CELSR1: variants seen among roughly 807,000 people sequenced by gnomAD.
CELSR1 encodes cadherin EGF LAG seven-pass G-type receptor 1, also known as adhesion G protein-coupled receptor C1.
In CELSR1, 110 loss-of-function variants were observed where a neutral mutation model predicts 249.1. The ratio of observed to expected loss-of-function variants is 0.44; its 90% CI spans 0.38 to 0.52. CELSR1 has a LOEUF of 0.52. Ranked by LOEUF, CELSR1 falls within the 20% of genes least tolerant of loss-of-function variation. The pLI is 0.00. For synonymous variants in CELSR1, 2,113 were observed against 1,900.0 expected, an observed-to-expected ratio of 1.11 and a Z score of -2.92; for missense variants, 4,109 against 4,296.4, an observed-to-expected ratio of 0.96 and a Z score of 1.22.
chr22:46,431,677 C>T (rs371478877), intron 5 of CELSR1, among the ~76,000 whole-genome samples: 8 of 152,194 alleles, frequency 5.3e-5, no homozygotes, highest in African/African-American at 1.9e-4. Flanking sequence ...GGCAGCAGGA[C>T]GCAACGGCCA....
At position 46,430,431 on chromosome 22, in the gene CELSR1, G is replaced by A. The variant is rs1444169128; in HGVS notation, c.4611+2962C>T. Among the ~76,000 whole-genome samples the A allele has an allele frequency of 2.0e-5, 3 of 152,102 alleles. No individual in the cohort carries two copies. Among genetic ancestry groups the A allele is most frequent in the Non-Finnish European group, 4.4e-5 (3 of 68,002 alleles). On this transcript the variant is annotated intron_variant, in intron 5 of 34. Coordinates refer to ENST00000674500, the MANE Select transcript of CELSR1 (RefSeq NM_001378328.1). The surrounding 1 kb of genome is among the most constrained non-coding windows in gnomAD (Gnocchi z 4.6). ...TCAGCCAAGGCAGGCAGGGACGCGTGTGCAGGGGGGTTCCCTCGGCAGTGT... is the reference window on the plus strand; with the variant it reads ...TCAGCCAAGGCAGGCAGGGACGCGTATGCAGGGGGGTTCCCTCGGCAGTGT...
At chr22:46,466,745 A>T (rs902711637) in intron 1 of CELSR1, among the ~76,000 whole-genome samples, 3 of 152,236 alleles carry the variant, frequency 2.0e-5, no homozygotes, top group Non-Finnish European at 2.9e-5. Context: ...CCGGCATATA[A>T]GATATTAATG....
chr22:46,469,316 C>T (rs568995088), intron 1 of CELSR1, among the ~76,000 whole-genome samples: 2 of 152,278 alleles, frequency 1.3e-5, no homozygotes, highest in East Asian at 1.9e-4. Context: ...TCCCTGTCAT[C>T]GTGTGACCGC....
rs535475421 is a variant in CELSR1, at chr22:46,450,297, C to T, written c.4184-10886G>A. Among the ~76,000 whole-genome samples, 3 of 152,376 alleles carry T rather than the reference C, an allele frequency of 2.0e-5. No homozygotes were observed. The South Asian group carries it at 6.2e-4, about 32-fold the overall frequency. On this transcript the variant is annotated intron_variant, in intron 2 of 34. Transcript: ENST00000674500. ...CAGAGCTGTGGGGGAGGACGTGCTA[C>T]CAACTCGGCCCTGCAAGGCAGGCTG...
Position 46,377,071 on chromosome 22 carries a change from G to A in CELSR1, c.7574C>T (p.Thr2525Met), listed in dbSNP as rs751961212. The A allele has an allele frequency of 9.3e-6, 15 of 1,612,966 alleles. No homozygotes were observed. The highest frequency in any genetic ancestry group is 3.3e-5 in the Admixed American group (2 of 59,984). The change falls in exon 24 of 35, where the codon ACG becomes ATG. Residue 2525 changes from threonine (T) to methionine (M), a missense_variant. Thr to Met is a moderately conservative substitution (Grantham distance 81). Around this residue, in one of 7 missense-constraint regions of CELSR1, gnomAD observed 1,805 missense variants for 1,831.6 expected, o/e 0.99. Coordinates refer to ENST00000674500, the MANE Select transcript of CELSR1 (RefSeq NM_001378328.1). ...GCAGAGTGGCCATACCGGGTTTTCCGTCTGGTTGATCCCAATCACGAACAC... is the reference window on the plus strand; with the variant it reads ...GCAGAGTGGCCATACCGGGTTTTCCATCTGGTTGATCCCAATCACGAACAC... ...QLVFVIGINQ[T>M]ENPFLCTVVA...
chr22:46,432,549 A>G (rs2079608217), intron 5 of CELSR1, among the ~76,000 whole-genome samples: 1 of 152,268 alleles, frequency 6.6e-6, no homozygotes, highest in African/African-American at 2.4e-5. Context: ...AGAAGAGAAA[A>G]GGGATTTGCA....
At position 46,533,809 on chromosome 22, in the gene CELSR1, G is replaced by T. The variant is rs2080818108; in HGVS notation, c.3362C>A (p.Thr1121Asn). Reference protein sequence around the residue: ...YVTNKSNSFPTGVIGCIPAHD... With the variant: ...YVTNKSNSFPNGVIGCIPAHD... ...GGCCGGGATGCAGCCGATCACGCCG[G>T]TGGGGAAACTGTTGGACTTGTTGGT... Residue 1121 changes from threonine to asparagine, a missense_variant, in exon 1 of 35, where the codon ACC becomes AAC. Transcript: ENST00000674500. The T allele has an allele frequency of 1.9e-6, 3 of 1,613,828 alleles. No individual in the cohort carries two copies. Among genetic ancestry groups the T allele is most frequent in the Non-Finnish European group, 1.7e-6 (2 of 1,180,026 alleles).
chr22:46,478,709 A>T (rs1018085501), intron 1 of CELSR1, among the ~76,000 whole-genome samples: 3 of 60,730 alleles, frequency 4.9e-5, no homozygotes, highest in Admixed American at 1.9e-4. Context: ...TGCCCAGCTA[A>T]AATTTTTTTT....
chr22:46,499,185 T>TAAAAAAA (rs10606942), intron 1 of CELSR1, among the ~76,000 whole-genome samples: 1 of 130,962 alleles, frequency 7.6e-6, no homozygotes. Flanking sequence ...GTTGCAAATC[T>TAAAAAAA]AAAAAAAAAA....
At chr22:46,474,990 G>A (rs538187466) in intron 1 of CELSR1, among the ~76,000 whole-genome samples, 2 of 152,116 alleles carry the variant, frequency 1.3e-5, no homozygotes, top group Admixed American at 1.3e-4. Flanking sequence ...AGGCAAATGA[G>A]GAGCGTGTTA....
chr22:46,491,028 A>G (rs2080362141), intron 1 of CELSR1, among the ~76,000 whole-genome samples: 2 of 151,974 alleles, frequency 1.3e-5, no homozygotes, highest in Non-Finnish European at 2.9e-5. Flanking sequence ...CTGCAAATGG[A>G]GGGCCCCCCA....
chr22:46,495,273 G>A (rs972480992), intron 1 of CELSR1, among the ~76,000 whole-genome samples: 3 of 152,216 alleles, frequency 2.0e-5, no homozygotes, highest in Non-Finnish European at 4.4e-5. Flanking sequence ...GCATGTTACT[G>A]TACTGAGTAC....
At chr22:46,367,166 A>AC in intron 28 of CELSR1, 48 bp from the exon 29 acceptor site, 1 of 1,591,090 alleles carries the variant, frequency 6.3e-7, no homozygotes, top group South Asian at 1.1e-5. Context: ...CTCCCTAGGC[A>AC]CCTGCCCTTA....
rs189091955 is a variant in CELSR1, at chr22:46,417,391, G to A, written c.4612-5632C>T. Among the ~76,000 whole-genome samples the A allele has an allele frequency of 1.8e-4, 28 of 152,326 alleles. No individual in the cohort carries two copies. Among genetic ancestry groups the A allele is most frequent in the African/African-American group, 1.9e-4 (8 of 41,564 alleles). Reference sequence around the variant, plus strand: ...TTTGCCAGAATGCAAACCTCAGACCGAGCTGCTACTTCCTGGTGGTCCCAA... The same window carrying A: ...TTTGCCAGAATGCAAACCTCAGACCAAGCTGCTACTTCCTGGTGGTCCCAA... On this transcript the variant is annotated intron_variant, in intron 5 of 34. Transcript: ENST00000674500. This position sits in a 1 kb window ranked among gnomAD's most constrained non-coding sequence, Gnocchi z 4.1.
intron 1 of CELSR1, among the ~76,000 whole-genome samples, chr22:46,523,400 G>A (rs1172832770): frequency 6.6e-6 from 1 of 151,930 alleles, no homozygotes; most frequent in Non-Finnish European, 1.5e-5. Context: ...GTGGTAGCGG[G>A]CACCTGTAGT....
intron 1 of CELSR1, among the ~76,000 whole-genome samples, chr22:46,523,582 T>C (rs376028649): frequency 1.4e-5 from 2 of 144,270 alleles, no homozygotes; most frequent in East Asian, 2.0e-4. Flanking sequence ...AAGAAAAATC[T>C]TGATGGGTGG....
rs2147141765 is a variant in CELSR1, at chr22:46,361,597, T to TTCAC, written c.*1625_*1626insGTGA. The TTCAC allele has an allele frequency of 6.6e-6, 1 of 152,364 alleles. No homozygotes were observed. Among genetic ancestry groups the TTCAC allele is most frequent in the African/African-American group, 2.4e-5 (1 of 41,586 alleles). 9.4% of individuals were successfully genotyped at this position (152,364 alleles called of 1,614,324 possible). ...CCTGGTAAGGCACATGTATAATTCA[T>TTCAC]TCAGGTGTGAGGACTCTGGGATCTC... On this transcript the variant is annotated 3_prime_UTR_variant, in exon 35 of 35. Coordinates refer to ENST00000674500, the MANE Select transcript of CELSR1 (RefSeq NM_001378328.1).
chr22:46,364,225 G>A lies in CELSR1; in HGVS notation c.8806C>T (p.Pro2936Ser). The A allele has an allele frequency of 6.2e-7, 1 of 1,610,142 alleles. No homozygotes were observed. The highest frequency in any genetic ancestry group is 1.1e-5 in the South Asian group (1 of 91,044). ...TGCTCCGTCAGCGTCAGCGGCGGCG[G>A]GTAGGTGACTTTATTTTTCAAGATG... ...KGILKNKVTY[P>S]PPLTLTEQTL... is the part of the protein sequence containing the mutation. Residue 2936 changes from proline (P) to serine (S), a missense_variant, in exon 34 of 35, where the codon CCG becomes TCG. Coordinates refer to ENST00000674500, the MANE Select transcript of CELSR1 (RefSeq NM_001378328.1).
In CELSR1 at chr22:46,446,668, CA is replaced by C. The variant is rs1447848423; in HGVS notation, c.4184-7258del. On this transcript the variant is annotated intron_variant, in intron 2 of 34. Coordinates refer to ENST00000674500, the MANE Select transcript of CELSR1 (RefSeq NM_001378328.1). This position sits in a 1 kb window ranked among gnomAD's most constrained non-coding sequence, Gnocchi z 5.5. ...CTGACAGACACTTGTGAAATGAAGT[CA>C]AAAAATGCCAGGATTTCCCCAGTTC... is the stretch of plus-strand genomic sequence containing the variant. Among the ~76,000 whole-genome samples, 1 of 152,022 alleles carries C rather than the reference CA, an allele frequency of 6.6e-6. No homozygotes were observed. Among genetic ancestry groups the C allele is most frequent in the Non-Finnish European group, 1.5e-5 (1 of 68,004 alleles).
Sources: gnomAD v4.1 joint callset for allele counts (sites outside exome capture counted in the v4.1 genomes callset) on GRCh38, gnomAD v4.1.1 for gene constraint, gnomAD v4.1.1 regional missense constraint, Gnocchi (gnomAD v3.1) non-coding constraint, MANE v1.5 for transcripts, NCBI Gene and HGNC (gene_info 2026-07-23, HGNC 2026-07-21) for gene names.